Variants in ACYP2 observed in about 807,000 individuals in gnomAD.
The protein encoded by ACYP2 is acylphosphatase-2.
ACYP2 carries 12 observed loss-of-function variants against 11.2 expected under a neutral mutation model. The ratio of observed to expected loss-of-function variants is 1.08; its 90% confidence interval spans 0.69 to 1.74. The LOEUF (loss-of-function observed/expected upper bound fraction) is 1.74, where lower values mean the gene tolerates loss of function less well. ACYP2 is among the 40% of genes most tolerant of loss of function. The probability of loss-of-function intolerance (pLI) is 0.00; values close to 1 mark genes in which losing one functional copy is unlikely to be tolerated. For missense variants in ACYP2, 134 were observed against 101.9 expected (o/e 1.31, Z -1.35); for synonymous variants, 43 against 32.2 (o/e 1.33, Z -1.13).
intron 4 of ACYP2, chr2:54,084,825 G>A (rs971254685): frequency 6.6e-6 from 1 of 152,322 alleles, no homozygotes; most frequent in Admixed American, 6.5e-5. Context: ...TGCCACCTGT[G>A]TCCAGCCTGA....
chr2:54,048,758 G>A (rs556497271), intron 2 of ACYP2, among the ~76,000 whole-genome samples: 65 of 152,322 alleles, frequency 4.3e-4, no homozygotes, highest in African/African-American at 1.5e-3. Context: ...GTGCAGAATT[G>A]TTTTCAAATC....
intron 2 of ACYP2, among the ~76,000 whole-genome samples, chr2:54,033,447 A>C (rs1338046257): frequency 3.3e-5 from 5 of 151,906 alleles, no homozygotes; most frequent in African/African-American, 9.7e-5. Context: ...TCTTGGGCTC[A>C]AGCAAACTTC....
chr2:53,979,862 T>G (rs192422963), intron 2 of ACYP2, among the ~76,000 whole-genome samples: 18 of 151,822 alleles, frequency 1.2e-4, no homozygotes, highest in African/African-American at 4.1e-4. Context: ...CCTGGCTGTT[T>G]TGTATTTTTA....
chr2:54,065,548 T>C (rs886972007), intron 4 of ACYP2: 2 of 398,444 alleles, frequency 5.0e-6, no homozygotes, highest in African/African-American at 4.1e-5. Context: ...CACTGTGAAA[T>C]AGTATTCAGA....
chr2:54,165,726 G>A (rs1292948221), intron 6 of ACYP2, among the ~76,000 whole-genome samples: 2 of 152,146 alleles, frequency 1.3e-5, no homozygotes, highest in Admixed American at 1.3e-4. Flanking sequence ...TGGGTGCCAG[G>A]AGAGCAAACC....
At chr2:54,103,407 T>C (rs941435855) in intron 4 of ACYP2, among the ~76,000 whole-genome samples, 1 of 152,234 alleles carries the variant, frequency 6.6e-6, no homozygotes, top group Non-Finnish European at 1.5e-5. Context: ...GTTCCTAACA[T>C]CTTAACCTTG....
At chr2:54,128,796 A>G (rs964524106) in intron 4 of ACYP2, among the ~76,000 whole-genome samples, 2 of 152,034 alleles carry the variant, frequency 1.3e-5, no homozygotes, top group Non-Finnish European at 2.9e-5. Context: ...ATGTGTGAAG[A>G]TGCGGAAGTC....
At chr2:54,154,061 T>C (rs1393679660) in intron 6 of ACYP2, among the ~76,000 whole-genome samples, 1 of 152,150 alleles carries the variant, frequency 6.6e-6, no homozygotes. Context: ...GGTTTTTTTT[T>C]TTGATGGCTG....
intron 6 of ACYP2, among the ~76,000 whole-genome samples, chr2:54,263,576 A>G (rs1687873871): frequency 6.6e-6 from 1 of 152,064 alleles, no homozygotes; most frequent in African/African-American, 2.4e-5. Context: ...GTGAGTTATG[A>G]TTGCCACTGG....
Position 54,201,636 on chromosome 2 carries a change from C to CTTTCTTTCTTTCTTTCTTTCTT in ACYP2, c.404+62889_404+62890insTTCTTTCTTTCTTTCTTTCTTT, listed in dbSNP as rs59874821. Among the ~76,000 whole-genome samples, 45 of 93,684 alleles carry CTTTCTTTCTTTCTTTCTTTCTT rather than the reference C, an allele frequency of 4.8e-4. 1 individual carries two copies. Among genetic ancestry groups the CTTTCTTTCTTTCTTTCTTTCTT allele is most frequent in the East Asian group, 1.9e-3 (6 of 3,106 alleles). The allele number at this position is 93,684 out of a possible 152,430, so 61.5% of individuals were successfully genotyped here. A position where few individuals can be genotyped will look rare whatever the true frequency, so the allele number is the denominator to read the frequency against. Reference sequence around the variant, plus strand: ...TCTTTCTTTCTTTGTTTCTTTCTTTCTCTTTCTTTCTTTCTTTCTTTCTTT... The same window carrying CTTTCTTTCTTTCTTTCTTTCTT: ...TCTTTCTTTCTTTGTTTCTTTCTTTCTTTCTTTCTTTCTTTCTTTCTTTCTTTCTTTCTTTCTTTCTTTCTTT... On this transcript the variant is annotated intron_variant, in intron 6 of 6. Coordinates refer to ENST00000607452, the MANE Select transcript of ACYP2 (RefSeq NM_001320586.2).
chr2:54,217,827 A>G lies in ACYP2; in HGVS notation c.404+79079A>G, dbSNP rs115939804. On this transcript the variant is annotated intron_variant, in intron 6 of 6. Coordinates refer to ENST00000607452, the MANE Select transcript of ACYP2 (RefSeq NM_001320586.2). ...CAGGATGTGAAAGGGAGTAGAGAAT[A>G]GCATGATAACTGGAGTGAGATGAGG... is the stretch of plus-strand genomic sequence containing the variant. Among the ~76,000 whole-genome samples the G allele has an allele frequency of 2.1e-3, 320 of 152,372 alleles. 2 individuals are homozygous for G. Among genetic ancestry groups the G allele is most frequent in the Non-Finnish European group, 3.0e-3 (202 of 68,036 alleles).
rs965171639 is a variant in ACYP2, at chr2:54,304,826, C to G, written c.*24C>G. ...AATAGAAGAGAAAAATTGTAACACACTGAACAATAGATACTGTATGTTCTT... is the reference window on the plus strand; with the variant it reads ...AATAGAAGAGAAAAATTGTAACACAGTGAACAATAGATACTGTATGTTCTT... On this transcript the variant is annotated 3_prime_UTR_variant, in exon 7 of 7. Coordinates refer to ENST00000607452, the MANE Select transcript of ACYP2 (RefSeq NM_001320586.2). The G allele has an allele frequency of 7.6e-7, 1 of 1,320,404 alleles. No homozygotes were observed. The highest frequency in any genetic ancestry group is 1.7e-5 in the Admixed American group (1 of 58,472). The allele number at this position is 1,320,404 out of a possible 1,614,324, so 81.8% of individuals were successfully genotyped here.
intron 6 of ACYP2, among the ~76,000 whole-genome samples, chr2:54,238,911 C>T (rs1249749321): frequency 6.6e-6 from 1 of 151,344 alleles, no homozygotes; most frequent in East Asian, 2.0e-4. Flanking sequence ...TACTGCCTAG[C>T]CTATTTTTTT....
At chr2:53,978,049 GT>G (rs1269803691) in intron 2 of ACYP2, among the ~76,000 whole-genome samples, 1 of 151,738 alleles carries the variant, frequency 6.6e-6, no homozygotes, top group Non-Finnish European at 1.5e-5. Flanking sequence ...ATCACTTGAG[GT>G]CAGGAGTTCG....
rs1675088053 is a variant in ACYP2 at position 54,039,224 on chromosome 2, T to G, written c.63-11734T>G. ...CTAAAAATATCTTTGGAAGTTTTTT[T>G]TTTTTTTTTTTCCCCAGCCTACATC... On this transcript the variant is annotated intron_variant, in intron 2 of 6. Coordinates refer to ENST00000607452, the MANE Select transcript of ACYP2 (RefSeq NM_001320586.2). 2.0e-5 allele frequency among the ~76,000 whole-genome samples: 3 copies of G among 151,656 alleles called. No individual in the cohort carries two copies. In the South Asian group the frequency reaches 6.2e-4, roughly 31 times the overall value.
chr2:54,100,017 A>G (rs1678810015), intron 4 of ACYP2, among the ~76,000 whole-genome samples: 1 of 152,104 alleles, frequency 6.6e-6, no homozygotes, highest in African/African-American at 2.4e-5. Flanking sequence ...TGTGGTTTTA[A>G]TTTGCATTTC....
chr2:54,159,034 ACTCT>A (rs941945553), intron 6 of ACYP2, among the ~76,000 whole-genome samples: 1 of 151,978 alleles, frequency 6.6e-6, no homozygotes, highest in Non-Finnish European at 1.5e-5. Flanking sequence ...TTGTATATAT[ACTCT>A]CTCTATATAG....
In ACYP2 at chr2:54,020,038, G is replaced by T. The variant is rs1232768622; in HGVS notation, c.63-30920G>T. ...GCTCACTGCAACCTCCTGGGTTCAA[G>T]GGATTCTCCTGCCTCAGCCTCCTGA... On this transcript the variant is annotated intron_variant, in intron 2 of 6. Coordinates refer to ENST00000607452, the MANE Select transcript of ACYP2 (RefSeq NM_001320586.2). Among the ~76,000 whole-genome samples the T allele has an allele frequency of 2.0e-5, 3 of 152,040 alleles. No individual in the cohort carries two copies. In the East Asian group the frequency reaches 5.8e-4, roughly 29 times the overall value.
chr2:54,233,902 A>G (rs917110949), intron 6 of ACYP2, among the ~76,000 whole-genome samples: 3 of 152,236 alleles, frequency 2.0e-5, no homozygotes, highest in African/African-American at 4.8e-5. Context: ...AGACACTTTT[A>G]TAAGTGACAA....
Sources: allele counts gnomAD v4.1 joint callset (sites outside exome capture counted in the v4.1 genomes callset), GRCh38; gene constraint gnomAD v4.1.1; transcripts MANE v1.5; gene names NCBI Gene and HGNC (gene_info 2026-07-23, HGNC 2026-07-21).